TBCE: variants seen among roughly 807,000 people sequenced by gnomAD.
TBCE encodes the protein tubulin-specific chaperone E.
TBCE carries 53 observed loss-of-function variants against 77.0 expected under a neutral mutation model. The ratio of observed to expected loss-of-function variants is 0.69; its 90% confidence interval spans 0.55 to 0.87. TBCE has a LOEUF of 0.87. TBCE is among the 40% of genes least tolerant of loss of function. The pLI is 0.00. For synonymous variants in TBCE, 235 were observed against 241.3 expected (o/e 0.97, Z 0.24); for missense variants, 624 against 622.4 (o/e 1.00, Z -0.03).
intron 5 of TBCE, among the ~76,000 whole-genome samples, chr1:235,422,591 A>C (rs541707361): frequency 1.3e-5 from 2 of 151,746 alleles, no homozygotes; most frequent in Admixed American, 6.6e-5. Context: ...GCACTTTGGG[A>C]GGCTGAGGCA....
chr1:235,396,958 A>G (rs531809666), intron 2 of TBCE, among the ~76,000 whole-genome samples: 6 of 133,430 alleles, frequency 4.5e-5, no homozygotes, highest in Non-Finnish European at 7.8e-5. Flanking sequence ...TTGATTGTTT[A>G]TTTATTTATT....
rs1433197606 is a variant in TBCE, at chr1:235,444,098, T to A, written c.1399+1187T>A. Among the ~76,000 whole-genome samples, 7 of 152,224 alleles carry A rather than the reference T, an allele frequency of 4.6e-5. No homozygotes were observed. The South Asian group carries it at 8.3e-4, about 18-fold the overall frequency. Reference sequence around the variant, plus strand: ...GCCCATCAGTGCAGTAAATTCACATTGATTTTTAAATTAGTTTCTATCAGA... The same window carrying A: ...GCCCATCAGTGCAGTAAATTCACATAGATTTTTAAATTAGTTTCTATCAGA... On this transcript the variant is annotated intron_variant, in intron 15 of 16. Coordinates refer to ENST00000642610, the MANE Select transcript of TBCE (RefSeq NM_003193.5).
chr1:235,386,023 A>C (rs929643780), intron 2 of TBCE, among the ~76,000 whole-genome samples: 4 of 152,074 alleles, frequency 2.6e-5, no homozygotes, highest in African/African-American at 9.7e-5. Flanking sequence ...TGGTGACAAA[A>C]TCTCTCAGTA....
intron 5 of TBCE, among the ~76,000 whole-genome samples, chr1:235,420,400 C>T (rs4999350): frequency 0.17 from 24,917 of 150,742 alleles, 2,811 homozygotes; most frequent in East Asian, 0.53. Flanking sequence ...CTGTAACTTC[C>T]GCCTCCCAGG....
At chr1:235,371,107 A>G (rs115055584) in intron 1 of TBCE, among the ~76,000 whole-genome samples, 1 of 120,274 alleles carries the variant, frequency 8.3e-6, no homozygotes, top group African/African-American at 3.1e-5. Flanking sequence ...CCCAGGCTAG[A>G]GTGCAATTGC....
chr1:235,379,146 T>C (rs957597117), intron 1 of TBCE, among the ~76,000 whole-genome samples: 5 of 152,188 alleles, frequency 3.3e-5, no homozygotes, highest in Non-Finnish European at 5.9e-5. Context: ...ATTCTGTCAT[T>C]GATCCCCTTT....
At chr1:235,373,658 T>C (rs1677112347) in intron 1 of TBCE, among the ~76,000 whole-genome samples, 1 of 151,394 alleles carries the variant, frequency 6.6e-6, no homozygotes. Context: ...TTTATTTTAT[T>C]TTATTTTTGA....
rs752517844 is a variant in TBCE at position 235,438,867 on chromosome 1, C to A, written c.1215C>A (p.Asn405Lys). 1 of 1,614,144 alleles carries A rather than the reference C, an allele frequency of 6.2e-7. No individual in the cohort carries two copies. The highest frequency in any genetic ancestry group is 2.2e-5 in the East Asian group (1 of 44,874). The change falls in exon 13 of 17, where the codon AAC (asparagine) becomes AAA (lysine). Residue 405 changes from asparagine (N) to lysine (K), a missense_variant. By Grantham distance (94) the Asn-to-Lys change is moderately conservative (BLOSUM62 0). Transcript: ENST00000642610. ...QAGGHKDPEK[N>K]RLSEEFLTAH... ...GTGGACATAAGGATCCGGAAAAAAA[C>A]AGACTCAGCGAAGAATTCCTCACAG...
intron 15 of TBCE, among the ~76,000 whole-genome samples, chr1:235,445,129 A>C (rs1269420322): frequency 1.3e-5 from 2 of 152,214 alleles, no homozygotes; most frequent in African/African-American, 2.4e-5. Context: ...TACTACTTTA[A>C]ACTATTCAGA....
chr1:235,434,076 G>A (rs749336791), intron 7 of TBCE, 128 bp from the exon 8 acceptor site: 40 of 833,342 alleles, frequency 4.8e-5, no homozygotes, highest in Admixed American at 2.0e-4. Flanking sequence ...ACAGTCTTAT[G>A]AACTGTCCGT....
At position 235,412,656 on chromosome 1, in the gene TBCE, G is replaced by A. The variant is rs575720693; in HGVS notation, c.186-1777G>A. Among the ~76,000 whole-genome samples the A allele has an allele frequency of 4.6e-5, 7 of 152,178 alleles. No homozygotes were observed. The East Asian group carries it at 1.4e-3, about 30-fold the overall frequency. ...ACTCCCTCCTGGCCACTTCTTCCCAGGTTGGGGATTGGTTTTAACTTTTTG... is the reference window on the plus strand; with the variant it reads ...ACTCCCTCCTGGCCACTTCTTCCCAAGTTGGGGATTGGTTTTAACTTTTTG... On this transcript the variant is annotated intron_variant, in intron 3 of 16. Coordinates refer to ENST00000642610, the MANE Select transcript of TBCE (RefSeq NM_003193.5).
At chr1:235,390,106 A>G (rs1372127235) in intron 2 of TBCE, among the ~76,000 whole-genome samples, 2 of 151,998 alleles carry the variant, frequency 1.3e-5, no homozygotes, top group Non-Finnish European at 2.9e-5. Flanking sequence ...AGCCTGGGTG[A>G]CAGAGTAAGA....
intron 1 of TBCE, among the ~76,000 whole-genome samples, chr1:235,378,665 G>A (rs1016558665): frequency 6.6e-6 from 1 of 152,116 alleles, no homozygotes; most frequent in Non-Finnish European, 1.5e-5. Flanking sequence ...TGGCCAACAT[G>A]GTGAAACACC....
chr1:235,437,823 T>TAA (rs1198282440), intron 12 of TBCE, among the ~76,000 whole-genome samples: 5 of 145,474 alleles, frequency 3.4e-5, no homozygotes, highest in African/African-American at 1.3e-4. Context: ...CTGTCTTAAT[T>TAA]TAAAAAAAAA....
At chr1:235,369,999 C>T (rs1002639198) in intron 1 of TBCE, among the ~76,000 whole-genome samples, 3 of 152,128 alleles carry the variant, frequency 2.0e-5, no homozygotes, top group African/African-American at 7.2e-5. Flanking sequence ...ACTTGCTATT[C>T]CTTTCCCTCA....
rs1258100855 is a variant in TBCE, at chr1:235,451,557, C to T, written c.*2795C>T. The T allele has an allele frequency of 6.6e-6, 1 of 150,942 alleles. No individual in the cohort carries two copies. The highest frequency in any genetic ancestry group is 1.5e-5 in the Non-Finnish European group (1 of 67,840). 9.4% of individuals were successfully genotyped at this position (150,942 alleles called of 1,614,324 possible). A position where few individuals can be genotyped will look rare whatever the true frequency, so the allele number is the denominator to read the frequency against. On this transcript the variant is annotated 3_prime_UTR_variant, in exon 17 of 17. Coordinates refer to ENST00000642610, the MANE Select transcript of TBCE (RefSeq NM_003193.5). ...GAAACAACAAACTGCAAAATCAGAC[C>T]CAGCAAAGACTACAGATCCCAGAAT... is the stretch of plus-strand genomic sequence containing the variant.
chr1:235,442,372 G>A (rs1681951580), intron 14 of TBCE, among the ~76,000 whole-genome samples: 1 of 152,182 alleles, frequency 6.6e-6, no homozygotes, highest in South Asian at 2.1e-4. Context: ...GTTTCACCAT[G>A]TTGGCCAGGC....
chr1:235,409,376 G>A (rs1679644393), intron 3 of TBCE, among the ~76,000 whole-genome samples: 1 of 152,088 alleles, frequency 6.6e-6, no homozygotes, highest in Non-Finnish European at 1.5e-5. Context: ...TCAGTGTTTG[G>A]ATACAGTTTC....
At chr1:235,372,950 G>T (rs1677067225) in intron 1 of TBCE, among the ~76,000 whole-genome samples, 1 of 147,416 alleles carries the variant, frequency 6.8e-6, no homozygotes, top group Non-Finnish European at 1.5e-5. Context: ...AAAAAAGAGA[G>T]AAATTATTAA....
Sources: gnomAD v4.1 joint callset for allele counts (sites outside exome capture counted in the v4.1 genomes callset) on GRCh38, gnomAD v4.1.1 for gene constraint, MANE v1.5 for transcripts, NCBI Gene and HGNC (gene_info 2026-07-23, HGNC 2026-07-21) for gene names.